NEMP2: variants seen among roughly 807,000 people sequenced by gnomAD.
NEMP2 encodes the protein nuclear envelope integral membrane protein 2.
In NEMP2, 53 loss-of-function variants were observed where a neutral mutation model predicts 54.2. That is an observed-to-expected ratio of 0.98 (90% confidence interval 0.78 to 1.23). NEMP2 has a LOEUF of 1.23. Among genes scored for constraint, NEMP2 ranks in the 50% most tolerant of loss-of-function variants. NEMP2 has a pLI of 0.00. For missense variants in NEMP2, 455 were observed against 511.3 expected (o/e 0.89, Z 1.06); for synonymous variants, 197 against 190.3 (o/e 1.04, Z -0.29).
the NEMP2 span, chr2:190,464,717 ATC>A: frequency 6.0e-6 from 1 of 167,166 alleles, no homozygotes. Context: ...CTCTTTGGAT[ATC>A]TCTTAGTATA....
chr2:190,612,313 G>A, the NEMP2 span, among the ~76,000 whole-genome samples: 2 of 151,888 alleles, frequency 1.3e-5, no homozygotes, highest in East Asian at 1.9e-4. Context: ...GTGCCACCAC[G>A]CCCAGCTAAT....
At chr2:190,487,408 A>G in the NEMP2 span, among the ~76,000 whole-genome samples, 20 of 152,340 alleles carry the variant, frequency 1.3e-4, no homozygotes, top group East Asian at 3.7e-3. This position sits in a 1 kb window ranked among gnomAD's most constrained non-coding sequence, Gnocchi z 5.5. Context: ...GTGGAATTAT[A>G]GCCAATGTAA....
chr2:190,437,139 C>T, the NEMP2 span: 17 of 1,614,234 alleles, frequency 1.1e-5, no homozygotes, highest in African/African-American at 1.2e-4. This position sits in a 1 kb window ranked among gnomAD's most constrained non-coding sequence, Gnocchi z 5.9. Context: ...ATTACCAGAT[C>T]GTCTTCATCG....
Position 190,510,516 on chromosome 2 carries a change from T to G in NEMP2, c.975A>C (p.Thr325=). 2 of 1,551,998 alleles carry G rather than the reference T, an allele frequency of 1.3e-6. No homozygotes were observed. Among genetic ancestry groups the G allele is most frequent in the Non-Finnish European group, 1.7e-6 (2 of 1,147,052 alleles). ...GATATTTCACCACCAGCTCTTTTGA[T>G]GTAAACCACTGCTCCATTTTCCTAA... ...YMRWKMEQWF[T]SKELVVKYLT... The change falls in exon 8 of 9, where the codon ACA becomes ACC. Residue 325 remains threonine, a synonymous_variant. Coordinates refer to ENST00000409150, the MANE Select transcript of NEMP2 (RefSeq NM_001142645.2). The surrounding 1 kb of genome is among the most constrained non-coding windows in gnomAD (Gnocchi z 5.7).
the NEMP2 span, among the ~76,000 whole-genome samples, chr2:190,468,046 A>C: frequency 6.6e-6 from 1 of 152,232 alleles, no homozygotes. Context: ...AAAAGGAGGC[A>C]CAGGTTTGTT....
the NEMP2 span, among the ~76,000 whole-genome samples, chr2:190,440,260 A>G: frequency 2.0e-5 from 3 of 152,246 alleles, no homozygotes; most frequent in African/African-American, 7.2e-5. Flanking sequence ...CAGTATTTTA[A>G]CAGTTTCACA....
the NEMP2 span, among the ~76,000 whole-genome samples, chr2:190,490,823 GC>G: frequency 3.9e-5 from 6 of 152,192 alleles, no homozygotes; most frequent in Non-Finnish European, 7.3e-5. The surrounding 1 kb of genome is among the most constrained non-coding windows in gnomAD (Gnocchi z 4.5). Context: ...TTAGCCTCAG[GC>G]CCCTGAAATG....
the NEMP2 span, chr2:190,436,121 G>T: frequency 6.2e-7 from 1 of 1,614,184 alleles, no homozygotes. The surrounding 1 kb of genome is among the most constrained non-coding windows in gnomAD (Gnocchi z 5.3). Flanking sequence ...GGTATTTCCA[G>T]GGAACCAGAA....
the NEMP2 span, among the ~76,000 whole-genome samples, chr2:190,457,252 G>A: frequency 6.6e-6 from 1 of 152,146 alleles, no homozygotes; most frequent in East Asian, 1.9e-4. The surrounding 1 kb of genome is among the most constrained non-coding windows in gnomAD (Gnocchi z 5.1). Context: ...TGTGGCCCCG[G>A]TCCACCCCTG....
At chr2:190,466,537 CAA>C in the NEMP2 span, among the ~76,000 whole-genome samples, 59 of 152,150 alleles carry the variant, frequency 3.9e-4, no homozygotes, top group African/African-American at 1.4e-3. Flanking sequence ...TGTCAGAAAC[CAA>C]AGAGTATTTA....
the NEMP2 span, among the ~76,000 whole-genome samples, chr2:190,475,939 C>T: frequency 6.6e-6 from 1 of 152,176 alleles, no homozygotes; most frequent in African/African-American, 2.4e-5. Context: ...TTTGACAAAC[C>T]TGACAAAAAC....
At position 190,527,800 on chromosome 2, in the gene NEMP2, G is replaced by A. The variant is rs2089834989; in HGVS notation, c.98-2422C>T. On this transcript the variant is annotated intron_variant, in intron 1 of 8. Transcript: ENST00000409150. This position sits in a 1 kb window ranked among gnomAD's most constrained non-coding sequence, Gnocchi z 4.0. Reference sequence around the variant, plus strand: ...GCAGTGGCATTAGATTATCATAGGAGCGTGAACCTTACTGTGAACTGAGCA... The same window carrying A: ...GCAGTGGCATTAGATTATCATAGGAACGTGAACCTTACTGTGAACTGAGCA... 6.6e-6 allele frequency among the ~76,000 whole-genome samples: 1 copy of A among 152,104 alleles called. No homozygotes were observed. The highest frequency in any genetic ancestry group is 2.1e-4 in the South Asian group (1 of 4,820).
chr2:190,610,606 C>T, the NEMP2 span: 3 of 152,158 alleles, frequency 2.0e-5, no homozygotes, highest in Non-Finnish European at 4.4e-5. This position sits in a 1 kb window ranked among gnomAD's most constrained non-coding sequence, Gnocchi z 5.4. Context: ...CCAGTTTTTC[C>T]AACTGTGTCC....
At chr2:190,436,439 T>G in the NEMP2 span, 2 of 1,614,206 alleles carry the variant, frequency 1.2e-6, no homozygotes, top group Non-Finnish European at 8.5e-7. This position sits in a 1 kb window ranked among gnomAD's most constrained non-coding sequence, Gnocchi z 5.3. Flanking sequence ...GTCCTCCTCT[T>G]TTCTCTTTTG....
chr2:190,559,643 G>A, the NEMP2 span, among the ~76,000 whole-genome samples: 1 of 152,212 alleles, frequency 6.6e-6, no homozygotes, highest in Non-Finnish European at 1.5e-5. This position sits in a 1 kb window ranked among gnomAD's most constrained non-coding sequence, Gnocchi z 4.0. Flanking sequence ...GCTAGAGGAA[G>A]GTCTGGTAAG....
chr2:190,444,895 G>A, the NEMP2 span: 27 of 831,516 alleles, frequency 3.2e-5, no homozygotes, highest in South Asian at 5.6e-5. Flanking sequence ...AAAAAGTGAC[G>A]TTAATCTTTT....
the NEMP2 span, among the ~76,000 whole-genome samples, chr2:190,460,546 G>A: frequency 6.6e-6 from 1 of 152,212 alleles, no homozygotes. Context: ...TTTACTGAGT[G>A]CCTGGTATGT....
At chr2:190,460,529 C>G in the NEMP2 span, among the ~76,000 whole-genome samples, 106,416 of 152,146 alleles carry the variant, frequency 0.7, 38,337 homozygotes, top group Admixed American at 0.79. Flanking sequence ...TCTTCCGTTC[C>G]GGACTATTTA....
At chr2:190,590,712 G>A in the NEMP2 span, among the ~76,000 whole-genome samples, 1 of 152,172 alleles carries the variant, frequency 6.6e-6, no homozygotes, top group Non-Finnish European at 1.5e-5. The surrounding 1 kb of genome is among the most constrained non-coding windows in gnomAD (Gnocchi z 5.1). Flanking sequence ...TCCTGGGCAT[G>A]ATGTTTTTAT....
Sources: allele counts gnomAD v4.1 joint callset (sites outside exome capture counted in the v4.1 genomes callset), GRCh38; gene constraint gnomAD v4.1.1; non-coding constraint Gnocchi (gnomAD v3.1); transcripts MANE v1.5; gene names NCBI Gene and HGNC (gene_info 2026-07-23, HGNC 2026-07-21).